Variants in ISLR2 observed in about 807,000 individuals in gnomAD.
The protein encoded by ISLR2 is immunoglobulin superfamily containing leucine rich repeat 2.
In ISLR2, 16 loss-of-function variants were observed where a neutral mutation model predicts 25.5. The ratio of observed to expected loss-of-function variants is 0.63; its 90% CI spans 0.43 to 0.95. The LOEUF (loss-of-function observed/expected upper bound fraction) is 0.95. Ranked by LOEUF, ISLR2 falls within the 40% of genes least tolerant of loss-of-function variation. The pLI is 0.00. For missense variants in ISLR2, 883 were observed against 1,030.7 expected (o/e 0.86, Z 1.96); for synonymous variants, 508 against 486.6 (o/e 1.04, Z -0.58).
upstream of ISLR2, among the ~76,000 whole-genome samples, chr15:74,124,629 C>T (rs987504528): frequency 2.0e-5 from 3 of 152,000 alleles, no homozygotes; most frequent in African/African-American, 4.8e-5. Context: ...TGTGGTGGCA[C>T]GCACCTGTAA....
rs2072548736 is a variant in ISLR2, at chr15:74,135,459, C to CGAGG, written c.*467_*468insGAGG. On this transcript the variant is annotated 3_prime_UTR_variant, in exon 3 of 3. Coordinates refer to ENST00000453268, the MANE Select transcript of ISLR2 (RefSeq NM_020851.3). ...GTGGGGTCCCACCTCGACCCCTCCTCCTCCCTTTCTTTCTTTCCTTTTTTT... is the reference window on the plus strand; with the variant it reads ...GTGGGGTCCCACCTCGACCCCTCCTCGAGGCTCCCTTTCTTTCTTTCCTTTTTTT... The CGAGG allele has an allele frequency of 5.9e-6, 1 of 170,668 alleles. No homozygotes were observed. The highest frequency in any genetic ancestry group is 2.4e-5 in the African/African-American group (1 of 41,618). The allele number at this position is 170,668 out of a possible 1,614,324, so 10.6% of individuals were successfully genotyped here. A position where few individuals can be genotyped will look rare whatever the true frequency, so the allele number is the denominator to read the frequency against.
At chr15:74,108,402 G>T (rs1332055559) in intron 2 of ISLR2, among the ~76,000 whole-genome samples, 1 of 152,142 alleles carries the variant, frequency 6.6e-6, no homozygotes, top group Admixed American at 6.5e-5. Flanking sequence ...CACAGCAGCT[G>T]GGGGCACCAG....
chr15:74,111,182 A>G (rs557916045), intron 2 of ISLR2, among the ~76,000 whole-genome samples: 1 of 151,684 alleles, frequency 6.6e-6, no homozygotes, highest in South Asian at 2.1e-4. Context: ...AAAAAGGAGC[A>G]TGCACAACTT....
chr15:74,121,821 A>G (rs2141937631), intron 2 of ISLR2, among the ~76,000 whole-genome samples: 1 of 152,322 alleles, frequency 6.6e-6, no homozygotes, highest in South Asian at 2.1e-4. Flanking sequence ...TCCTCCCTCC[A>G]GATCTCTGCC....
chr15:74,131,789 T>C (rs541869807), intron 2 of ISLR2: 1 of 152,392 alleles, frequency 6.6e-6, no homozygotes, highest in South Asian at 2.1e-4. Flanking sequence ...GAGAACCTCC[T>C]TCCCCGTAAG....
upstream of ISLR2, chr15:74,127,331 G>A (rs1289223381): frequency 6.6e-6 from 1 of 152,112 alleles, no homozygotes; most frequent in African/African-American, 2.4e-5. Context: ...ATTTTAATAG[G>A]CCCCTGACAA....
At chr15:74,110,643 C>A (rs1434000035) in intron 2 of ISLR2, among the ~76,000 whole-genome samples, 8 of 148,560 alleles carry the variant, frequency 5.4e-5, no homozygotes, top group African/African-American at 2.0e-4. Context: ...CATGGTGAAA[C>A]CCTGTCTCTA....
upstream of ISLR2, among the ~76,000 whole-genome samples, chr15:74,125,122 T>C (rs1162198210): frequency 2.6e-5 from 4 of 152,236 alleles, no homozygotes; most frequent in Non-Finnish European, 5.9e-5. Context: ...GCTGGCTGCC[T>C]CAGAAAATCT....
chr15:74,121,779 C>T (rs1163113082), intron 2 of ISLR2, among the ~76,000 whole-genome samples: 1 of 152,192 alleles, frequency 6.6e-6, no homozygotes, highest in Non-Finnish European at 1.5e-5. Context: ...GGTATCTCTG[C>T]AACATGCCAG....
intron 2 of ISLR2, among the ~76,000 whole-genome samples, chr15:74,122,054 G>C (rs1567156729): frequency 6.6e-6 from 1 of 152,202 alleles, no homozygotes; most frequent in Non-Finnish European, 1.5e-5. Flanking sequence ...CCTTGCCACT[G>C]TCGAGGCCAC....
At chr15:74,125,238 C>T (rs28479151), upstream of ISLR2, among the ~76,000 whole-genome samples, 2 of 152,012 alleles carry the variant, frequency 1.3e-5, no homozygotes, top group South Asian at 2.1e-4. Flanking sequence ...TTTTTGTTTT[C>T]GTTTTTGTTT....
intron 2 of ISLR2, among the ~76,000 whole-genome samples, chr15:74,121,755 G>A (rs1017786637): frequency 1.7e-4 from 26 of 152,138 alleles, no homozygotes; most frequent in Non-Finnish European, 3.7e-4. Flanking sequence ...GCCTTGCCTG[G>A]GTACAGAATT....
intron 2 of ISLR2, among the ~76,000 whole-genome samples, chr15:74,117,455 AG>A (rs2072219461): frequency 6.6e-6 from 1 of 152,092 alleles, no homozygotes; most frequent in Non-Finnish European, 1.5e-5. Flanking sequence ...TTGCAGCAGG[AG>A]GATTGCTTGA....
chr15:74,140,394 G>A (rs964299386), downstream of ISLR2, among the ~76,000 whole-genome samples: 2 of 152,222 alleles, frequency 1.3e-5, no homozygotes. Flanking sequence ...TTGGTAGGTA[G>A]AGGGAAAGGA....
In ISLR2 at chr15:74,134,796, C is replaced by A; in HGVS notation, c.2042C>A (p.Ala681Glu). Residue 681 changes from alanine to glutamate, a missense_variant, in exon 3 of 3, where the codon GCG becomes GAG. Ala to Glu is a moderately radical substitution (Grantham distance 107). This residue lies in a region of ISLR2 where 612 missense variants were observed against 642.8 expected (regional missense o/e 0.95). Coordinates refer to ENST00000453268, the MANE Select transcript of ISLR2 (RefSeq NM_020851.3). ...DVQGEGLDED[A>E]EQGDPSGDLQ... ...CAGGGGGAGGGCCTTGATGAAGACG[C>A]GGAGCAGGGAGACCCAAGTGGGGAC... 3 of 1,614,008 alleles carry A rather than the reference C, an allele frequency of 1.9e-6. No homozygotes were observed. Among genetic ancestry groups the A allele is most frequent in the Non-Finnish European group, 2.5e-6 (3 of 1,179,974 alleles).
At chr15:74,120,283 C>T (rs1050481144) in intron 2 of ISLR2, among the ~76,000 whole-genome samples, 3 of 152,110 alleles carry the variant, frequency 2.0e-5, no homozygotes, top group African/African-American at 7.2e-5. Context: ...AGGATGAAGA[C>T]AGATGGGGAA....
chr15:74,139,427 CT>C (rs1379389213), downstream of ISLR2, among the ~76,000 whole-genome samples: 1 of 152,016 alleles, frequency 6.6e-6, no homozygotes, highest in Non-Finnish European at 1.5e-5. Context: ...CTTTCATTTC[CT>C]CTCCCTCATT....
chr15:74,137,732 T>C (rs2072584400), downstream of ISLR2, among the ~76,000 whole-genome samples: 1 of 152,056 alleles, frequency 6.6e-6, no homozygotes, highest in African/African-American at 2.4e-5. Flanking sequence ...CTCTCTCCCC[T>C]CCCTTCTTCC....
chr15:74,132,695 C>A lies in ISLR2; in HGVS notation c.-8-52C>A. On this transcript the variant is annotated intron_variant, in intron 2 of 2. Transcript: ENST00000453268. The surrounding 1 kb of genome is among the most constrained non-coding windows in gnomAD (Gnocchi z 4.3). ...GGCACAGCTTGATAGGGGAGGTAAG[C>A]TGGGGTTCAGTGAGTCACCTTCTTT... is the stretch of plus-strand genomic sequence containing the variant. 6.4e-7 allele frequency: 1 copy of A among 1,563,038 alleles called. No individual in the cohort carries two copies. The highest frequency in any genetic ancestry group is 8.7e-7 in the Non-Finnish European group (1 of 1,153,012).
Sources: allele counts gnomAD v4.1 joint callset (sites outside exome capture counted in the v4.1 genomes callset), GRCh38; gene constraint gnomAD v4.1.1; regional missense constraint gnomAD v4.1.1; non-coding constraint Gnocchi (gnomAD v3.1); transcripts MANE v1.5; gene names NCBI Gene and HGNC (gene_info 2026-07-23, HGNC 2026-07-21).